Variants in IL1RAPL2 observed in about 807,000 individuals in gnomAD.
IL1RAPL2 encodes interleukin 1 receptor accessory protein like 2, also known as X-linked interleukin-1 receptor accessory protein-like 2.
A neutral mutation model predicts 44.1 loss-of-function variants in IL1RAPL2; 3 were observed. The observed-to-expected ratio is 0.07, with a 90% CI of 0.03 to 0.18. The LOEUF is 0.18. IL1RAPL2 is among the 10% of genes least tolerant of loss of function. The pLI is 1.00. For synonymous variants in IL1RAPL2, 181 were observed against 178.8 expected (o/e 1.01, Z -0.10); for missense variants, 391 against 496.4 (o/e 0.79, Z 2.02).
intron 2 of IL1RAPL2, among the ~76,000 whole-genome samples, chrX:105,033,282 A>G (rs1036614219): frequency 5.4e-5 from 6 of 111,090 alleles, no homozygotes; most frequent in Non-Finnish European, 9.4e-5. Flanking sequence ...TTAGCTGGTT[A>G]TTTTGTTCGT....
At chrX:104,645,114 T>C (rs1056177627) in intron 1 of IL1RAPL2, among the ~76,000 whole-genome samples, 4 of 111,478 alleles carry the variant, frequency 3.6e-5, no homozygotes, top group Admixed American at 1.9e-4. Flanking sequence ...TAGGCTACTC[T>C]GAACCTTCCC....
At chrX:104,908,528 G>A (rs1191702905) in intron 2 of IL1RAPL2, among the ~76,000 whole-genome samples, 37 of 110,914 alleles carry the variant, frequency 3.3e-4, no homozygotes, top group African/African-American at 7.2e-4. Flanking sequence ...GCATTTGCTC[G>A]TCTGTAAAGT....
At chrX:105,036,040 T>A (rs950081652) in intron 2 of IL1RAPL2, among the ~76,000 whole-genome samples, 3 of 112,080 alleles carry the variant, frequency 2.7e-5, no homozygotes, top group African/African-American at 9.7e-5. Context: ...ATGGCCTCTA[T>A]GGAAGATCAT....
chrX:105,472,032 G>A (rs1320583194), intron 5 of IL1RAPL2, among the ~76,000 whole-genome samples: 1 of 109,945 alleles, frequency 9.1e-6, no homozygotes, highest in East Asian at 2.9e-4. Context: ...TCCAGACTAG[G>A]GAATAATGGG....
At chrX:104,866,945 G>T (rs759844448) in intron 2 of IL1RAPL2, among the ~76,000 whole-genome samples, 1 of 110,942 alleles carries the variant, frequency 9.0e-6, no homozygotes, top group South Asian at 3.8e-4. Flanking sequence ...CTCACTTTTT[G>T]TAAACTTTGT....
At chrX:105,652,030 C>T (rs1050587862) in intron 6 of IL1RAPL2, among the ~76,000 whole-genome samples, 12 of 111,492 alleles carry the variant, frequency 1.1e-4, no homozygotes, top group African/African-American at 3.9e-4. Context: ...TCAAAATAAC[C>T]ATTTGGTTCA....
At chrX:105,113,627 T>C (rs748688702) in intron 2 of IL1RAPL2, among the ~76,000 whole-genome samples, 1 of 112,139 alleles carries the variant, frequency 8.9e-6, no homozygotes, top group East Asian at 2.8e-4. Context: ...GAATGGTACC[T>C]TGCTTTGGCT....
At chrX:104,574,607 T>C (rs1249974304) in intron 1 of IL1RAPL2, among the ~76,000 whole-genome samples, 3 of 112,339 alleles carry the variant, frequency 2.7e-5, no homozygotes, top group African/African-American at 9.7e-5. Flanking sequence ...AGGATGTTCA[T>C]TAATGTTTCA....
intron 2 of IL1RAPL2, among the ~76,000 whole-genome samples, chrX:104,743,085 A>T (rs1932120913): frequency 9.0e-6 from 1 of 111,269 alleles, no homozygotes; most frequent in African/African-American, 3.3e-5. Context: ...GCTTGAGACC[A>T]GCTCAAGAAG....
At chrX:105,094,369 A>G (rs1452721442) in intron 2 of IL1RAPL2, among the ~76,000 whole-genome samples, 1 of 112,102 alleles carries the variant, frequency 8.9e-6, no homozygotes, top group African/African-American at 3.2e-5. Context: ...ATTTTCATGT[A>G]AACTACATAT....
chrX:105,016,512 T>G (rs1211653267), intron 2 of IL1RAPL2, among the ~76,000 whole-genome samples: 1 of 111,667 alleles, frequency 9.0e-6, no homozygotes, highest in African/African-American at 3.2e-5. Context: ...TATTGAGAAT[T>G]TTTAGCATGA....
At chrX:105,035,996 T>A (rs865782940) in intron 2 of IL1RAPL2, among the ~76,000 whole-genome samples, 5 of 111,759 alleles carry the variant, frequency 4.5e-5, no homozygotes, top group Non-Finnish European at 3.8e-5. Context: ...TAATCCAGTA[T>A]CTCCCATAGT....
intron 2 of IL1RAPL2, among the ~76,000 whole-genome samples, chrX:104,840,061 C>T (rs867780045): frequency 1.8e-5 from 2 of 109,910 alleles, no homozygotes; most frequent in African/African-American, 6.6e-5. Context: ...GTCTCTGTCC[C>T]CTTCACTTCT....
chrX:104,599,896 T>C (rs943104123), intron 1 of IL1RAPL2, among the ~76,000 whole-genome samples: 3 of 111,320 alleles, frequency 2.7e-5, no homozygotes, highest in African/African-American at 9.8e-5. Flanking sequence ...GCTTTTTAAA[T>C]GTTGACAAGT....
chrX:105,665,750 TTTTTTGTTGTTG>T (rs2037759372), intron 6 of IL1RAPL2, among the ~76,000 whole-genome samples: 1 of 85,671 alleles, frequency 1.2e-5, no homozygotes, highest in African/African-American at 4.5e-5. Flanking sequence ...TTGTTTTTTT[TTTTTTGTTGTTG>T]TTGTTGTTGT....
intron 2 of IL1RAPL2, among the ~76,000 whole-genome samples, chrX:105,157,838 T>G (rs761646083): frequency 7.5e-4 from 84 of 112,435 alleles, no homozygotes; most frequent in African/African-American, 2.6e-3. Context: ...GTTTTGTTAT[T>G]GTTAAAATAT....
chrX:105,257,156 C>T (rs181008778), intron 4 of IL1RAPL2, among the ~76,000 whole-genome samples: 175 of 112,038 alleles, frequency 1.6e-3, no homozygotes, highest in African/African-American at 5.4e-3. Context: ...TCATTATTTT[C>T]AAGGAACTTG....
At chrX:105,439,400 C>G (rs1368854674) in intron 5 of IL1RAPL2, among the ~76,000 whole-genome samples, 10 of 109,372 alleles carry the variant, frequency 9.1e-5, no homozygotes, top group Admixed American at 5.0e-4. Flanking sequence ...CAAATTGCCC[C>G]TTGGGCAAAT....
chrX:104,909,968 A>C lies in IL1RAPL2; in HGVS notation c.82+250973A>C, dbSNP rs758379801. Among the ~76,000 whole-genome samples, 3 of 112,218 alleles carry C rather than the reference A, an allele frequency of 2.7e-5. No individual in the cohort carries two copies. In the East Asian group the frequency reaches 8.5e-4, roughly 32 times the overall value. ...TCCGCCAGCCTCGCTGACGCCTTGC[A>C]GTTTGATCTCAGACTGCTGTGCTAG... is the stretch of plus-strand genomic sequence containing the variant. On this transcript the variant is annotated intron_variant, in intron 2 of 10. Transcript: ENST00000372582.
Sources: allele counts gnomAD v4.1 joint callset (sites outside exome capture counted in the v4.1 genomes callset), GRCh38; gene constraint gnomAD v4.1.1; transcripts MANE v1.5; gene names NCBI Gene and HGNC (gene_info 2026-07-23, HGNC 2026-07-21).